Variants in C1QTNF8 observed in about 807,000 individuals in gnomAD.
The protein encoded by C1QTNF8 is C1q and TNF related 8.
Under a neutral mutation model 19.2 loss-of-function variants are expected in C1QTNF8, and 27 were observed. The observed-to-expected ratio is 1.41, with a 90% CI of 1.04 to 1.94. C1QTNF8 has a LOEUF of 1.94. C1QTNF8 is among the 30% of genes most tolerant of loss of function. The probability of loss-of-function intolerance (pLI) is 0.00; values close to 1 mark genes in which losing one functional copy is unlikely to be tolerated. For missense variants in C1QTNF8, 484 were observed against 374.4 expected, an observed-to-expected ratio of 1.29 and a Z score of -2.42; for synonymous variants, 208 against 172.8, an observed-to-expected ratio of 1.20 and a Z score of -1.60.
chr16:1,094,559 A>T, intron 3 of C1QTNF8, 156 bp downstream of exon 3: 1 of 515,986 alleles, frequency 1.9e-6, no homozygotes, highest in Non-Finnish European at 3.2e-6. Context: ...TTGCGGGGGG[A>T]GCCCAGGGGT....
At position 1,090,428 on chromosome 16, in the gene C1QTNF8, G is replaced by C. The variant is rs1423818092; in HGVS notation, c.*171C>G. ...GCCACGCTTGTTCCCCCGCCTGCCT[G>C]GGGAGTGGCTCCAGCACACACACGC... On this transcript the variant is annotated 3_prime_UTR_variant, in exon 5 of 5. Transcript: ENST00000328449. 6.6e-6 allele frequency: 1 copy of C among 152,454 alleles called. No homozygotes were observed. The highest frequency in any genetic ancestry group is 1.5e-5 in the Non-Finnish European group (1 of 68,244). 9.4% of individuals were successfully genotyped at this position (152,454 alleles called of 1,614,324 possible).
chr16:1,093,880 A>C lies in C1QTNF8; in HGVS notation c.380T>G (p.Leu127Arg). Residue 127 changes from leucine to arginine, a missense_variant, in exon 4 of 5, where the codon CTG becomes CGG. Coordinates refer to ENST00000328449, the MANE Select transcript of C1QTNF8 (RefSeq NM_207419.3). ...AAFSVGRREG[L>R]HSSDHFQAVP... ...CGCCTGGAAGTGGTCGGAGCTGTGC[A>C]GGCCCTCGCGCCGGCCCACGGAGAA... is the stretch of plus-strand genomic sequence containing the variant. 2 of 1,581,330 alleles carry C rather than the reference A, an allele frequency of 1.3e-6. No individual in the cohort carries two copies. The highest frequency in any genetic ancestry group is 1.7e-6 in the Non-Finnish European group (2 of 1,170,582).
rs1567393198 is a variant in C1QTNF8 at position 1,093,734 on chromosome 16, TGTA to T, written c.523_525del (p.Tyr175del). On this transcript the variant is annotated inframe_deletion, in exon 4 of 5. Coordinates refer to ENST00000328449, the MANE Select transcript of C1QTNF8 (RefSeq NM_207419.3). The stretch of plus-strand genomic sequence containing the variant: ...AGCATGATGTGCAGGTAGGTCTCCT[TGTA>T]GTTCCAGGTGTGCACGTTGAGGCTG... 1 of 1,612,224 alleles carries T rather than the reference TGTA, an allele frequency of 6.2e-7. No individual in the cohort carries two copies. Among genetic ancestry groups the T allele is most frequent in the South Asian group, 1.1e-5 (1 of 91,074 alleles).
At position 1,093,599 on chromosome 16, in the gene C1QTNF8, T is replaced by C; in HGVS notation, c.661A>G (p.Met221Val). The change falls in exon 4 of 5, where the codon ATG becomes GTG. Residue 221 changes from methionine (M) to valine (V), a missense_variant. Transcript: ENST00000328449. ...LAAGDAVWVR[M>V]FQRDRDNAIY... is the part of the protein sequence containing the mutation. ...GCGTTGTCCCGGTCGCGCTGGAACA[T>C]GCGCACCCAGACGGCGTCGCCCGCC... 1.2e-6 allele frequency: 2 copies of C among 1,603,038 alleles called. No homozygotes were observed. Among genetic ancestry groups the C allele is most frequent in the South Asian group, 1.1e-5 (1 of 90,112 alleles).
intron 4 of C1QTNF8, among the ~76,000 whole-genome samples, chr16:1,092,345 G>A (rs1047476172): frequency 1.3e-5 from 2 of 151,344 alleles, no homozygotes; most frequent in African/African-American, 4.9e-5. Context: ...GCACACAGTC[G>A]GCGCTCAATC....
intron 4 of C1QTNF8, among the ~76,000 whole-genome samples, chr16:1,091,755 C>T (rs1422737698): frequency 1.3e-5 from 2 of 152,018 alleles, no homozygotes; most frequent in Non-Finnish European, 2.9e-5. Flanking sequence ...TTCAGACAGA[C>T]TGAGGACCCA....
chr16:1,088,304 T>C lies in C1QTNF8; in HGVS notation c.*2295A>G, dbSNP rs780096921. On this transcript the variant is annotated 3_prime_UTR_variant, in exon 5 of 5. Coordinates refer to ENST00000328449, the MANE Select transcript of C1QTNF8 (RefSeq NM_207419.3). ...GGGATAAGCTGCCTCCCCAGCCCGA[T>C]GCTTGCCTGGAATGTCACAGGGATG... is the stretch of plus-strand genomic sequence containing the variant. Among the ~76,000 whole-genome samples, 15 of 152,278 alleles carry C rather than the reference T, an allele frequency of 9.9e-5. 1 individual carries two copies. The highest frequency in any genetic ancestry group is 2.9e-5 in the Non-Finnish European group (2 of 68,050).
intron 4 of C1QTNF8, among the ~76,000 whole-genome samples, chr16:1,091,065 G>C (rs370784516): frequency 1.3e-5 from 2 of 152,306 alleles, no homozygotes; most frequent in South Asian, 2.1e-4. Context: ...CCTGTGGGGA[G>C]GGAGTGGGGG....
rs141162393 is a variant in C1QTNF8, at chr16:1,094,310, G to A, written c.209-259C>T. ...GACATGGGTGGTCAGGGCCAGCTAC[G>A]GTCTGCGTTGGGTGTTAAAGAATGA... On this transcript the variant is annotated intron_variant, in intron 3 of 4. Coordinates refer to ENST00000328449, the MANE Select transcript of C1QTNF8 (RefSeq NM_207419.3). Among the ~76,000 whole-genome samples, 804 of 152,250 alleles carry A rather than the reference G, an allele frequency of 5.3e-3. 1 individual carries two copies. Among genetic ancestry groups the A allele is most frequent in the Non-Finnish European group, 8.9e-3 (606 of 67,996 alleles).
chr16:1,094,770 GT>G lies in C1QTNF8; in HGVS notation c.152del (p.Asp51AlafsTer13). 6.5e-7 allele frequency: 1 copy of G among 1,549,060 alleles called. No individual in the cohort carries two copies. Among genetic ancestry groups the G allele is most frequent in the Non-Finnish European group, 8.7e-7 (1 of 1,150,246 alleles). On this transcript the variant is annotated frameshift_variant, in exon 3 of 5. Coordinates refer to ENST00000328449, the MANE Select transcript of C1QTNF8 (RefSeq NM_207419.3). LOFTEE classifies it high-confidence loss of function. ...RVSDRDLWRG[D>X]LWRGLPRVRP... Reference sequence around the variant, plus strand: ...GTACTCGAGGCAGCCCCCTCCACAGGTCCCCCCTCCACAGGTCCCTGTCACT... The same window carrying G: ...GTACTCGAGGCAGCCCCCTCCACAGGCCCCCCTCCACAGGTCCCTGTCACT...
At position 1,089,503 on chromosome 16, in the gene C1QTNF8, T is replaced by C. The variant is rs990291604; in HGVS notation, c.*1096A>G. On this transcript the variant is annotated 3_prime_UTR_variant, in exon 5 of 5. Coordinates refer to ENST00000328449, the MANE Select transcript of C1QTNF8 (RefSeq NM_207419.3). ...CTCTGGGGTCCCCGACAGAGGCCTTTGCGCACCCCCTGCTGCACGGGAAGC... is the reference window on the plus strand; with the variant it reads ...CTCTGGGGTCCCCGACAGAGGCCTTCGCGCACCCCCTGCTGCACGGGAAGC... 1.3e-5 allele frequency among the ~76,000 whole-genome samples: 2 copies of C among 152,126 alleles called. No homozygotes were observed. Among genetic ancestry groups the C allele is most frequent in the African/African-American group, 2.4e-5 (1 of 41,436 alleles).
intron 4 of C1QTNF8, among the ~76,000 whole-genome samples, chr16:1,091,643 G>C (rs987462702): frequency 6.6e-6 from 1 of 152,200 alleles, no homozygotes; most frequent in Non-Finnish European, 1.5e-5. Flanking sequence ...ATGTGGACCT[G>C]ACTTTCATCC....
In C1QTNF8 at chr16:1,094,044, C is replaced by T. The variant is rs750935322; in HGVS notation, c.216G>A (p.Lys72=). The change falls in exon 4 of 5, where the codon AAG becomes AAA. Residue 72 remains lysine, a synonymous_variant. Coordinates refer to ENST00000328449, the MANE Select transcript of C1QTNF8 (RefSeq NM_207419.3). ...CCCGACCTCGGACGCCGGCCTCACCCTTCTCACCTGCAGGGGACAAACGAA... is the reference window on the plus strand; with the variant it reads ...CCCGACCTCGGACGCCGGCCTCACCTTTCTCACCTGCAGGGGACAAACGAA... The part of the protein sequence containing the change: ...TIDIEILKGE[K]GEAGVRGRAG... The T allele has an allele frequency of 6.8e-6, 10 of 1,460,212 alleles. No individual in the cohort carries two copies. The highest frequency in any genetic ancestry group is 8.0e-6 in the Non-Finnish European group (9 of 1,123,838). The allele number at this position is 1,460,212 out of a possible 1,614,324, so 90.5% of individuals were successfully genotyped here.
At chr16:1,090,949 C>A (rs1960531809) in intron 4 of C1QTNF8, among the ~76,000 whole-genome samples, 1 of 152,220 alleles carries the variant, frequency 6.6e-6, no homozygotes, top group South Asian at 2.1e-4. Context: ...CGGCTGGCCC[C>A]ACCCTGCAGG....
chr16:1,089,376 A>G lies in C1QTNF8; in HGVS notation c.*1223T>C, dbSNP rs1421011600. On this transcript the variant is annotated 3_prime_UTR_variant, in exon 5 of 5. Transcript: ENST00000328449. The stretch of plus-strand genomic sequence containing the variant: ...CTCCTGGGGATCCCCCCAAGCAGGA[A>G]CCCCTGGAGCCGTGCAGCTGTCCTC... 1.3e-5 allele frequency among the ~76,000 whole-genome samples: 2 copies of G among 152,114 alleles called. No individual in the cohort carries two copies. The highest frequency in any genetic ancestry group is 2.9e-5 in the Non-Finnish European group (2 of 67,998).
Position 1,088,862 on chromosome 16 carries a change from G to A in C1QTNF8, c.*1737C>T, listed in dbSNP as rs1381872101. Among the ~76,000 whole-genome samples, 1 of 69,586 alleles carries A rather than the reference G, an allele frequency of 1.4e-5. No individual in the cohort carries two copies. The highest frequency in any genetic ancestry group is 2.9e-5 in the Non-Finnish European group (1 of 34,396). 45.7% of individuals were successfully genotyped at this position (69,586 alleles called of 152,430 possible). A position where few individuals can be genotyped will look rare whatever the true frequency, so the allele number is the denominator to read the frequency against. ...GCAGCTGCAACTACCTATAGGCCAC[G>A]GCGACGTCTGTGCGGGGAGGTCCAG... On this transcript the variant is annotated 3_prime_UTR_variant, in exon 5 of 5. Coordinates refer to ENST00000328449, the MANE Select transcript of C1QTNF8 (RefSeq NM_207419.3).
At chr16:1,092,298 T>C (rs1304837022) in intron 4 of C1QTNF8, among the ~76,000 whole-genome samples, 1 of 146,622 alleles carries the variant, frequency 6.8e-6, no homozygotes, top group Non-Finnish European at 1.5e-5. Flanking sequence ...TGGCACTCAA[T>C]CAGTCCCTGC....
rs569934951 is a variant in C1QTNF8, at chr16:1,089,088, G to A, written c.*1511C>T. 1.7e-4 allele frequency among the ~76,000 whole-genome samples: 25 copies of A among 151,230 alleles called. No homozygotes were observed. Among genetic ancestry groups the A allele is most frequent in the Admixed American group, 4.6e-4 (7 of 15,230 alleles). ...AGAGGCTGGAGACCCCAGGGCAGCC[G>A]GGCCAGGGCCAGGGCCAGGGAAAGG... On this transcript the variant is annotated 3_prime_UTR_variant, in exon 5 of 5. Transcript: ENST00000328449.
rs1960651478 is a variant in C1QTNF8 at position 1,094,849 on chromosome 16, G to C, written c.74C>G (p.Pro25Arg). ...GGCCGGGCGGCAGCAGTGCACACAG[G>C]GCCTCCTGGGCAGCCCGGGCCAGGC... ...VGAWPGLPRR[P>R]CVHCCRPAWP... is the part of the protein sequence containing the mutation. Residue 25 changes from proline to arginine, a missense_variant, in exon 3 of 5, where the codon CCC (proline) becomes CGC (arginine). Coordinates refer to ENST00000328449, the MANE Select transcript of C1QTNF8 (RefSeq NM_207419.3). 1 of 1,428,782 alleles carries C rather than the reference G, an allele frequency of 7.0e-7. No individual in the cohort carries two copies. The highest frequency in any genetic ancestry group is 1.6e-5 in the South Asian group (1 of 61,696). 88.5% of individuals were successfully genotyped at this position (1,428,782 alleles called of 1,614,324 possible). A position where few individuals can be genotyped will look rare whatever the true frequency, so the allele number is the denominator to read the frequency against.
Sources: allele counts gnomAD v4.1 joint callset (sites outside exome capture counted in the v4.1 genomes callset), GRCh38; gene constraint gnomAD v4.1.1; transcripts MANE v1.5; gene names NCBI Gene and HGNC (gene_info 2026-07-23, HGNC 2026-07-21).